The following STK39 variants were observed in gnomAD, a reference collection of about 807,000 sequenced individuals.
STK39 encodes the protein serine/threonine kinase 39, also known as STE20/SPS1-related proline-alanine-rich protein kinase.
STK39 carries 20 observed loss-of-function variants against 77.8 expected under a neutral mutation model. The observed-to-expected ratio is 0.26, with a 90% confidence interval of 0.18 to 0.37. The LOEUF is 0.37. Ranked by LOEUF, STK39 falls within the 10% of genes least tolerant of loss-of-function variation. The pLI, the probability that STK39 is intolerant of heterozygous loss-of-function variation, is 1.00. For missense variants in STK39, 479 were observed against 656.5 expected, an observed-to-expected ratio of 0.73 and a Z score of 2.95; for synonymous variants, 246 against 234.1, an observed-to-expected ratio of 1.05 and a Z score of -0.47.
At chr2:168,209,634 C>T (rs1330773317) in intron 1 of STK39, among the ~76,000 whole-genome samples, 1 of 151,980 alleles carries the variant, frequency 6.6e-6, no homozygotes, top group Non-Finnish European at 1.5e-5. Context: ...GAGCCGAGAT[C>T]GCACCACTGC....
At chr2:168,167,592 A>T (rs1688722527) in intron 2 of STK39, among the ~76,000 whole-genome samples, 185 bp from the exon 3 acceptor site, 1 of 152,176 alleles carries the variant, frequency 6.6e-6, no homozygotes, top group African/African-American at 2.4e-5. Context: ...ATCAACTCAG[A>T]TTAGAAAGTT....
intron 1 of STK39, among the ~76,000 whole-genome samples, chr2:168,191,603 G>C (rs1574542467): frequency 6.6e-6 from 1 of 152,060 alleles, no homozygotes; most frequent in African/African-American, 2.4e-5. Flanking sequence ...GCAACTGGAG[G>C]CCTGGGATCT....
chr2:168,135,475 T>C (rs1257310693), intron 8 of STK39, among the ~76,000 whole-genome samples: 1 of 152,132 alleles, frequency 6.6e-6, no homozygotes, highest in African/African-American at 2.4e-5. Context: ...CCCACAGGTA[T>C]GTAACTCTAG....
chr2:168,176,301 C>T (rs114839702), intron 2 of STK39, among the ~76,000 whole-genome samples: 1 of 151,414 alleles, frequency 6.6e-6, no homozygotes, highest in East Asian at 2.0e-4. Context: ...GTTTCTCCCC[C>T]CCTTAAACCT....
chr2:168,242,572 T>TATATAAA (rs1690794213), intron 1 of STK39, among the ~76,000 whole-genome samples: 1 of 68,574 alleles, frequency 1.5e-5, no homozygotes, highest in African/African-American at 6.3e-5. Context: ...TATATATATA[T>TATATAAA]ATATATATAT....
chr2:168,119,530 A>G (rs1687350859), intron 10 of STK39, among the ~76,000 whole-genome samples: 1 of 152,168 alleles, frequency 6.6e-6, no homozygotes, highest in African/African-American at 2.4e-5. Context: ...TCACCCTTCA[A>G]TCTCCTGCCC....
intron 14 of STK39, among the ~76,000 whole-genome samples, chr2:168,033,801 A>G (rs1338508201): frequency 1.3e-5 from 2 of 152,172 alleles, no homozygotes; most frequent in African/African-American, 4.8e-5. Flanking sequence ...GGATTGTAAC[A>G]CTGACGAGCT....
chr2:168,052,692 C>T (rs568617346), intron 14 of STK39, among the ~76,000 whole-genome samples: 1 of 152,228 alleles, frequency 6.6e-6, no homozygotes, highest in Non-Finnish European at 1.5e-5. Flanking sequence ...GGTGATCTCT[C>T]ATCTCCTCCA....
chr2:168,066,729 C>CG (rs1559080979), intron 12 of STK39, among the ~76,000 whole-genome samples: 1 of 152,202 alleles, frequency 6.6e-6, no homozygotes, highest in African/African-American at 2.4e-5. Context: ...ATCAACTAGG[C>CG]GGGGGGCTGG....
chr2:168,235,250 G>C (rs1690570037), intron 1 of STK39, among the ~76,000 whole-genome samples: 1 of 151,996 alleles, frequency 6.6e-6, no homozygotes, highest in South Asian at 2.1e-4. Flanking sequence ...ATATTGGCAA[G>C]GCTGGTCTCG....
At chr2:168,084,451 G>T (rs115750693) in intron 10 of STK39, among the ~76,000 whole-genome samples, 1,970 of 152,288 alleles carry the variant, frequency 0.013, 36 homozygotes, top group African/African-American at 0.045. Context: ...CATAGCAACA[G>T]TGCGAGATAA....
intron 17 of STK39, among the ~76,000 whole-genome samples, chr2:167,959,187 C>T (rs1032521559): frequency 3.3e-5 from 5 of 151,362 alleles, no homozygotes; most frequent in African/African-American, 1.2e-4. Context: ...GGTGTGATCT[C>T]GGCTCACTGC....
chr2:168,232,050 G>C, intron 1 of STK39: 1 of 249,566 alleles, frequency 4.0e-6, no homozygotes. Context: ...ATAGGCATCA[G>C]AGACTCCAGG....
chr2:168,139,324 T>TTTTAA (rs1439562621), intron 7 of STK39, among the ~76,000 whole-genome samples: 1 of 151,912 alleles, frequency 6.6e-6, no homozygotes, highest in African/African-American at 2.4e-5. Flanking sequence ...TACGCTTCAA[T>TTTTAA]TTTAAATTTT....
At chr2:168,016,959 A>G in intron 15 of STK39, 84 bp downstream of exon 15, 1 of 1,076,872 alleles carries the variant, frequency 9.3e-7, no homozygotes, top group Non-Finnish European at 1.4e-6. Flanking sequence ...GCAGTTTTAA[A>G]TAGCAGATTA....
chr2:168,007,253 C>T (rs970500657), intron 16 of STK39, among the ~76,000 whole-genome samples: 6 of 152,176 alleles, frequency 3.9e-5, no homozygotes, highest in African/African-American at 1.4e-4. Context: ...TTTGCAAACA[C>T]TTTGAATTTT....
chr2:168,060,613 G>A (rs141789426), intron 14 of STK39, among the ~76,000 whole-genome samples: 1 of 152,296 alleles, frequency 6.6e-6, no homozygotes, highest in East Asian at 1.9e-4. Flanking sequence ...ATATCAACAA[G>A]TGTTCACTGA....
rs1559059389 is a variant in STK39 at position 168,018,534 on chromosome 2, AAAGAAAAGAAAG to A, written c.1377-1451_1377-1440del. On this transcript the variant is annotated intron_variant, in intron 14 of 17. Coordinates refer to ENST00000355999, the MANE Select transcript of STK39 (RefSeq NM_013233.3). ...AGAAAAGAAAGAAAAGAAAGAAAAG[AAAGAAAAGAAAG>A]AAAGAAAGAAAGAAAGAAAGAAAGA... Among the ~76,000 whole-genome samples the A allele has an allele frequency of 1.7e-3, 125 of 73,660 alleles. 2 individuals are homozygous for A. Among genetic ancestry groups the A allele is most frequent in the African/African-American group, 8.8e-3 (118 of 13,390 alleles). The allele number at this position is 73,660 out of a possible 152,430, so 48.3% of individuals were successfully genotyped here.
chr2:168,072,097 T>C (rs566233507), intron 12 of STK39, among the ~76,000 whole-genome samples: 3 of 151,996 alleles, frequency 2.0e-5, no homozygotes, highest in Non-Finnish European at 4.4e-5. Context: ...AAGAGGCAGA[T>C]CTATAGTTCC....
Sources: gnomAD v4.1 joint callset for allele counts (sites outside exome capture counted in the v4.1 genomes callset) on GRCh38, gnomAD v4.1.1 for gene constraint, MANE v1.5 for transcripts, NCBI Gene and HGNC (gene_info 2026-07-23, HGNC 2026-07-21) for gene names.